Variants in IPO9 observed in about 807,000 individuals in gnomAD.
IPO9 encodes importin 9.
Under a neutral mutation model 128.6 loss-of-function variants are expected in IPO9, and 28 were observed. The ratio of observed to expected loss-of-function variants is 0.22; its 90% CI spans 0.16 to 0.30. The LOEUF is 0.30. Among genes scored for constraint, IPO9 ranks in the 10% least tolerant of loss-of-function variants. The pLI is 1.00. For synonymous variants in IPO9, 455 were observed against 475.8 expected, an observed-to-expected ratio of 0.96 and a Z score of 0.57; for missense variants, 935 against 1,293.9, an observed-to-expected ratio of 0.72 and a Z score of 4.26.
At chr1:201,859,180 A>AATATATATAT (rs148348918) in intron 13 of IPO9, among the ~76,000 whole-genome samples, 186 bp downstream of exon 13, 2 of 83,476 alleles carry the variant, frequency 2.4e-5, no homozygotes, top group African/African-American at 8.0e-5. Context: ...CTCAAAGTAT[A>AATATATATAT]ATATATATAT....
intron 1 of IPO9, among the ~76,000 whole-genome samples, chr1:201,836,478 T>A (rs1420621252): frequency 1.3e-5 from 2 of 152,190 alleles, no homozygotes; most frequent in Non-Finnish European, 2.9e-5. Flanking sequence ...CTCAAACTCC[T>A]GGGCTCAAGT....
Position 201,881,884 on chromosome 1 carries a change from G to A in IPO9, c.*5830G>A, listed in dbSNP as rs1350529399. On this transcript the variant is annotated 3_prime_UTR_variant, in exon 24 of 24. Coordinates refer to ENST00000361565, the MANE Select transcript of IPO9 (RefSeq NM_018085.5). The stretch of plus-strand genomic sequence containing the variant: ...AGGGTGGAAGAGCTGGATTAGAGAT[G>A]TTGACAAGATAAAGTCAGTAGGACT... 6.6e-5 allele frequency: 10 copies of A among 152,326 alleles called. No individual in the cohort carries two copies. The highest frequency in any genetic ancestry group is 2.2e-4 in the African/African-American group (9 of 41,568). 9.4% of individuals were successfully genotyped at this position (152,326 alleles called of 1,614,324 possible). A position where few individuals can be genotyped will look rare whatever the true frequency, so the allele number is the denominator to read the frequency against.
In IPO9 at chr1:201,836,119, C is replaced by CAAAAA. The variant is rs34447985; in HGVS notation, c.163+6767_163+6771dup. 2.0e-3 allele frequency among the ~76,000 whole-genome samples: 112 copies of CAAAAA among 55,290 alleles called. 1 individual carries two copies. The highest frequency in any genetic ancestry group is 5.6e-3 in the South Asian group (5 of 898). The allele number at this position is 55,290 out of a possible 152,430, so 36.3% of individuals were successfully genotyped here. On this transcript the variant is annotated intron_variant, in intron 1 of 23. Transcript: ENST00000361565. ...TGGGTGACAGAGCAAGACTCCATCTCAAAAAAAAAAAAAAAAAAAAAAAAC... is the reference window on the plus strand; with the variant it reads ...TGGGTGACAGAGCAAGACTCCATCTCAAAAAAAAAAAAAAAAAAAAAAAAAAAAAC...
chr1:201,848,965 A>G (rs1449258706), intron 4 of IPO9, among the ~76,000 whole-genome samples: 1 of 152,200 alleles, frequency 6.6e-6, no homozygotes, highest in Non-Finnish European at 1.5e-5. Context: ...AGCTTTTGGT[A>G]TAGTTTAAAT....
intron 11 of IPO9, among the ~76,000 whole-genome samples, chr1:201,858,173 A>G (rs948708482): frequency 6.6e-5 from 10 of 152,192 alleles, no homozygotes; most frequent in African/African-American, 2.4e-4. Context: ...CCAAAGCTAG[A>G]TCTATTATTG....
chr1:201,877,267 G>A lies in IPO9; in HGVS notation c.*1213G>A, dbSNP rs1364263864. ...TGTAATCCTAGCACTTTGGGAGGCT[G>A]AGATGGGCGGATCACTTGAGATCAG... On this transcript the variant is annotated 3_prime_UTR_variant, in exon 24 of 24. Transcript: ENST00000361565. 2 of 152,200 alleles carry A rather than the reference G, an allele frequency of 1.3e-5. No individual in the cohort carries two copies. Among genetic ancestry groups the A allele is most frequent in the South Asian group, 2.1e-4 (1 of 4,834 alleles). The allele number at this position is 152,200 out of a possible 1,614,324, so 9.4% of individuals were successfully genotyped here.
chr1:201,839,306 TC>T (rs1445442316), intron 1 of IPO9, among the ~76,000 whole-genome samples: 2 of 151,580 alleles, frequency 1.3e-5, no homozygotes, highest in Admixed American at 1.3e-4. Flanking sequence ...AACATCTGCC[TC>T]CCAGGCCCAA....
chr1:201,861,131 G>GC (rs1680438092), intron 13 of IPO9, among the ~76,000 whole-genome samples: 2 of 151,858 alleles, frequency 1.3e-5, no homozygotes, highest in Admixed American at 1.3e-4. Flanking sequence ...GTGCCAGTGC[G>GC]CTCCAGCCTG....
rs377710803 is a variant in IPO9, at chr1:201,866,725, C to A, written c.1629-8C>A. ...TTTAATAATTCTTGCTTATCTATCT[C>A]TCTCTAGTTATTGTGACCAACTGAA... On this transcript the variant is annotated splice_region_variant and splice_polypyrimidine_tract_variant and intron_variant, in intron 14 of 23. Transcript: ENST00000361565. 6.7e-5 allele frequency: 108 copies of A among 1,601,822 alleles called. 1 individual carries two copies. In the Middle Eastern group the frequency reaches 4.9e-3, roughly 73 times the overall value.
At chr1:201,868,526 G>C (rs1571554722) in intron 15 of IPO9, 122 bp from the exon 16 acceptor site, 2 of 1,030,332 alleles carry the variant, frequency 1.9e-6, no homozygotes, top group Non-Finnish European at 2.7e-6. Flanking sequence ...TCCCGGGTAT[G>C]TGATAAGTAA....
intron 10 of IPO9, among the ~76,000 whole-genome samples, chr1:201,856,692 T>C (rs1680334340): frequency 1.3e-5 from 2 of 152,180 alleles, no homozygotes; most frequent in Admixed American, 1.3e-4. Context: ...TTGTTTTGTT[T>C]TGTTTGCTTT....
At chr1:201,868,860 C>T in intron 16 of IPO9, 64 bp downstream of exon 16, 1 of 1,502,210 alleles carries the variant, frequency 6.7e-7, no homozygotes, top group Non-Finnish European at 9.0e-7. Context: ...CCCACAGATG[C>T]ATCTAGCTGA....
chr1:201,843,549 G>C (rs1474492943), intron 1 of IPO9, among the ~76,000 whole-genome samples: 1 of 152,218 alleles, frequency 6.6e-6, no homozygotes, highest in African/African-American at 2.4e-5. Flanking sequence ...ATATATTCTT[G>C]GTCGGGTGTG....
chr1:201,852,604 A>G (rs911228348), intron 5 of IPO9, among the ~76,000 whole-genome samples: 1 of 152,342 alleles, frequency 6.6e-6, no homozygotes, highest in East Asian at 1.9e-4. Flanking sequence ...GTGTATATGA[A>G]TGATAACTCA....
At chr1:201,860,594 A>T (rs566109608) in intron 13 of IPO9, among the ~76,000 whole-genome samples, 29 of 152,328 alleles carry the variant, frequency 1.9e-4, no homozygotes, top group African/African-American at 6.5e-4. Context: ...AATATTTGTT[A>T]TTTAGTCTGG....
chr1:201,861,049 C>T (rs1461809913), intron 13 of IPO9, among the ~76,000 whole-genome samples: 1 of 152,114 alleles, frequency 6.6e-6, no homozygotes, highest in Non-Finnish European at 1.5e-5. Context: ...GTCTGTAATC[C>T]CAGCTACTCA....
In IPO9 at chr1:201,829,537, G is replaced by T. The variant is rs1679789174; in HGVS notation, c.163+165G>T. 5.7e-6 allele frequency: 3 copies of T among 521,928 alleles called. No homozygotes were observed. The Admixed American group carries it at 1.5e-4, about 26-fold the overall frequency. 32.3% of individuals were successfully genotyped at this position (521,928 alleles called of 1,614,324 possible). ...ATGTCGCTGGTGGTTGTGAAAGTCC[G>T]AGAGAGGAGAGGCGCGCCTGAAGGA... On this transcript the variant is annotated intron_variant, in intron 1 of 23. Coordinates refer to ENST00000361565, the MANE Select transcript of IPO9 (RefSeq NM_018085.5).
At chr1:201,867,416 T>C (rs186955532) in intron 15 of IPO9, among the ~76,000 whole-genome samples, 117 of 152,218 alleles carry the variant, frequency 7.7e-4, no homozygotes, top group Admixed American at 2.0e-3. Flanking sequence ...AAAAAGACAT[T>C]AGTTAATTAT....
In IPO9 at chr1:201,876,059, G is replaced by A. The variant is rs1680756774; in HGVS notation, c.*5G>A. The A allele has an allele frequency of 6.3e-7, 1 of 1,587,958 alleles. No individual in the cohort carries two copies. The highest frequency in any genetic ancestry group is 8.6e-7 in the Non-Finnish European group (1 of 1,156,292). ...CTACAGACCATCGGCATCTAAAAAGGGGAGCCTTTCTACATTTGCTCCTTC... is the reference window on the plus strand; with the variant it reads ...CTACAGACCATCGGCATCTAAAAAGAGGAGCCTTTCTACATTTGCTCCTTC... On this transcript the variant is annotated 3_prime_UTR_variant, in exon 24 of 24. Transcript: ENST00000361565.
Sources: gnomAD v4.1 joint callset for allele counts (sites outside exome capture counted in the v4.1 genomes callset) on GRCh38, gnomAD v4.1.1 for gene constraint, MANE v1.5 for transcripts, NCBI Gene and HGNC (gene_info 2026-07-23, HGNC 2026-07-21) for gene names.